The following MYOCD variants were observed in gnomAD, a reference collection of about 807,000 sequenced individuals.
MYOCD encodes myocardin.
Under a neutral mutation model 96.1 loss-of-function variants are expected in MYOCD, and 32 were observed. The observed-to-expected ratio is 0.33, with a 90% CI of 0.25 to 0.45. The LOEUF is 0.45. Ranked by LOEUF, MYOCD falls within the 20% of genes least tolerant of loss-of-function variation. MYOCD has a pLI of 1.00. For synonymous variants in MYOCD, 469 were observed against 469.0 expected, an observed-to-expected ratio of 1.00 and a Z score of 0.00; for missense variants, 1,133 against 1,200.6, an observed-to-expected ratio of 0.94 and a Z score of 0.83.
intron 1 of MYOCD, among the ~76,000 whole-genome samples, chr17:12,675,515 TA>T (rs1909967289): frequency 6.6e-6 from 1 of 152,248 alleles, no homozygotes; most frequent in African/African-American, 2.4e-5. Flanking sequence ...ATTAATTTTT[TA>T]AAATTCAGGT....
intron 9 of MYOCD, among the ~76,000 whole-genome samples, chr17:12,750,050 C>T (rs1422588274): frequency 1.3e-5 from 2 of 151,892 alleles, no homozygotes; most frequent in Non-Finnish European, 2.9e-5. Flanking sequence ...GGGGTTTCAC[C>T]GTGGTCTCGA....
chr17:12,748,591 C>A (rs2032739709), intron 9 of MYOCD, among the ~76,000 whole-genome samples: 2 of 152,258 alleles, frequency 1.3e-5, no homozygotes, highest in Admixed American at 6.5e-5. Flanking sequence ...TGTATATAAA[C>A]CTTTGTCCTG....
At chr17:12,705,831 A>G (rs944821210) in intron 2 of MYOCD, 1 of 152,236 alleles carries the variant, frequency 6.6e-6, no homozygotes, top group African/African-American at 2.4e-5. Flanking sequence ...GCTCTAGGTC[A>G]TAGATTCTAA....
At chr17:12,676,645 AGTT>A (rs749132249) in intron 1 of MYOCD, among the ~76,000 whole-genome samples, 15 of 152,152 alleles carry the variant, frequency 9.9e-5, no homozygotes, top group Non-Finnish European at 2.1e-4. Context: ...GGGAGGTTTA[AGTT>A]GTTCTCAAAT....
intron 2 of MYOCD, among the ~76,000 whole-genome samples, chr17:12,712,180 G>A (rs145118911): frequency 5.3e-5 from 8 of 152,168 alleles, no homozygotes; most frequent in East Asian, 3.9e-4. Flanking sequence ...AATTTCTAAC[G>A]TGTTCCCAAT....
At chr17:12,695,179 A>C (rs1290923995) in intron 1 of MYOCD, among the ~76,000 whole-genome samples, 1 of 152,176 alleles carries the variant, frequency 6.6e-6, no homozygotes, top group Middle Eastern at 3.2e-3. Flanking sequence ...CAATAAATTT[A>C]TTTCTCACCG....
intron 1 of MYOCD, among the ~76,000 whole-genome samples, chr17:12,674,521 AGAG>A (rs1336623235): frequency 1.3e-5 from 2 of 152,194 alleles, no homozygotes; most frequent in Non-Finnish European, 2.9e-5. Flanking sequence ...AACAAGAAGA[AGAG>A]ATTTGCTCTA....
At chr17:12,698,347 A>T (rs527812799) in intron 1 of MYOCD, among the ~76,000 whole-genome samples, 20 of 152,308 alleles carry the variant, frequency 1.3e-4, no homozygotes, top group Admixed American at 3.3e-4. Flanking sequence ...ATTTACACAC[A>T]TGCAAGCAAC....
intron 2 of MYOCD, among the ~76,000 whole-genome samples, chr17:12,715,063 C>A (rs75689683): frequency 0.041 from 6,296 of 152,108 alleles, 265 homozygotes; most frequent in African/African-American, 0.11. Context: ...TCCAGAGTAC[C>A]GTCCCTTCCT....
At chr17:12,705,062 T>C in intron 1 of MYOCD, 66 bp from the exon 2 acceptor site, 1 of 969,918 alleles carries the variant, frequency 1.0e-6, no homozygotes, top group Non-Finnish European at 1.6e-6. Flanking sequence ...TATGAATGTG[T>C]AATGAAAATA....
At position 12,765,001 on chromosome 17, in the gene MYOCD, G is replaced by A. The variant is rs1454867380; in HGVS notation, c.*1357G>A. The A allele has an allele frequency of 6.6e-6, 1 of 152,106 alleles. No individual in the cohort carries two copies. Among genetic ancestry groups the A allele is most frequent in the Non-Finnish European group, 1.5e-5 (1 of 68,030 alleles). 9.4% of individuals were successfully genotyped at this position (152,106 alleles called of 1,614,324 possible). On this transcript the variant is annotated 3_prime_UTR_variant, in exon 14 of 14. Transcript: ENST00000425538. ...TGGTTTGTGTTGCTCTGGGGAAATTGGAAATCATTACATTGTAAAGACAAA... is the reference window on the plus strand; with the variant it reads ...TGGTTTGTGTTGCTCTGGGGAAATTAGAAATCATTACATTGTAAAGACAAA...
intron 5 of MYOCD, among the ~76,000 whole-genome samples, chr17:12,732,455 A>G (rs959661079): frequency 1.3e-5 from 2 of 152,144 alleles, no homozygotes; most frequent in Admixed American, 6.5e-5. Context: ...TTCTTGGACA[A>G]CTTCGCATCG....
At chr17:12,704,145 A>C (rs1161998362) in intron 1 of MYOCD, among the ~76,000 whole-genome samples, 1 of 152,132 alleles carries the variant, frequency 6.6e-6, no homozygotes, top group Non-Finnish European at 1.5e-5. Flanking sequence ...TCTAGTCTCC[A>C]AGTTCTGTTG....
At chr17:12,750,910 C>G (rs957279290) in intron 9 of MYOCD, among the ~76,000 whole-genome samples, 6 of 152,202 alleles carry the variant, frequency 3.9e-5, no homozygotes, top group African/African-American at 1.2e-4. Context: ...GGGTATCAAT[C>G]TTCTTTTTAA....
intron 1 of MYOCD, among the ~76,000 whole-genome samples, chr17:12,696,188 G>A (rs114024072): frequency 0.099 from 14,974 of 151,700 alleles, 867 homozygotes; most frequent in Non-Finnish European, 0.13. Context: ...CCATGTTGAC[G>A]AGGATGGTCT....
intron 3 of MYOCD, 89 bp downstream of exon 3, chr17:12,715,663 T>C (rs1417662351): frequency 9.8e-7 from 1 of 1,015,424 alleles, no homozygotes. Flanking sequence ...GTAGAATTCC[T>C]ACAACAAACA....
chr17:12,753,674 G>A (rs2032928651), intron 10 of MYOCD, among the ~76,000 whole-genome samples: 2 of 152,148 alleles, frequency 1.3e-5, no homozygotes, highest in Non-Finnish European at 2.9e-5. Context: ...AAATGCACAT[G>A]GCTCTGTCCC....
At chr17:12,729,805 C>T (rs141220225) in intron 5 of MYOCD, among the ~76,000 whole-genome samples, 6 of 152,124 alleles carry the variant, frequency 3.9e-5, no homozygotes, top group African/African-American at 7.2e-5. Context: ...CTCCTGACCT[C>T]GTGATCTGCC....
intron 2 of MYOCD, among the ~76,000 whole-genome samples, chr17:12,711,115 A>G (rs556325590): frequency 6.6e-6 from 1 of 152,334 alleles, no homozygotes; most frequent in South Asian, 2.1e-4. Context: ...TAAGACTATC[A>G]TTGGAGTACT....
Sources: gnomAD v4.1 joint callset for allele counts (sites outside exome capture counted in the v4.1 genomes callset) on GRCh38, gnomAD v4.1.1 for gene constraint, MANE v1.5 for transcripts, NCBI Gene and HGNC (gene_info 2026-07-23, HGNC 2026-07-21) for gene names.